The following PIEZO2 variants were observed in gnomAD, a reference collection of about 807,000 sequenced individuals.
PIEZO2 encodes piezo-type mechanosensitive ion channel component 2.
A neutral mutation model predicts 337.3 loss-of-function variants in PIEZO2; 172 were observed. The ratio of observed to expected loss-of-function variants is 0.51; its 90% CI spans 0.45 to 0.58. PIEZO2 has a LOEUF of 0.58. PIEZO2 is among the 20% of genes least tolerant of loss of function. The pLI, the probability that PIEZO2 is intolerant of heterozygous loss-of-function variation, is 0.00. For missense variants in PIEZO2, 3,028 were observed against 3,391.3 expected (o/e 0.89, Z 2.66); for synonymous variants, 1,251 against 1,228.5 (o/e 1.02, Z -0.38).
intron 39 of PIEZO2, 119 bp downstream of exon 39, chr18:10,714,645 G>GT (rs2035941590): frequency 8.9e-7 from 1 of 1,129,556 alleles, no homozygotes; most frequent in Admixed American, 2.2e-5. Flanking sequence ...CTGGAAGAGG[G>GT]TGGGGGTCCA....
chr18:10,790,964 A>AG (rs2039391384), intron 14 of PIEZO2, among the ~76,000 whole-genome samples: 1 of 152,208 alleles, frequency 6.6e-6, no homozygotes, highest in Non-Finnish European at 1.5e-5. Context: ...TCGGCCTCCC[A>AG]AAGTGCTGGG....
At chr18:10,678,197 T>C (rs991739583) in intron 52 of PIEZO2, among the ~76,000 whole-genome samples, 29 of 152,218 alleles carry the variant, frequency 1.9e-4, no homozygotes, top group African/African-American at 6.3e-4. Flanking sequence ...CCAATGATGT[T>C]AGTCTCCACG....
chr18:10,797,019 C>T (rs545420995), intron 12 of PIEZO2, among the ~76,000 whole-genome samples: 1 of 147,608 alleles, frequency 6.8e-6, no homozygotes, highest in African/African-American at 2.5e-5. Flanking sequence ...GCATACATAC[C>T]ATCATATCAT....
intron 5 of PIEZO2, 76 bp downstream of exon 5, chr18:10,871,177 T>C: frequency 2.2e-6 from 3 of 1,376,372 alleles, no homozygotes; most frequent in Non-Finnish European, 2.0e-6. Flanking sequence ...CAGCTGTTAT[T>C]ATCATAGTTC....
Position 11,148,632 on chromosome 18 carries a change from G to A in PIEZO2, c.-44C>T, listed in dbSNP as rs1215227667. ...CGGAGCAGAGGGGCGAGGCTCGAGGGTCCCTAGGGGTGGTGGGACGCAAGG... is the reference window on the plus strand; with the variant it reads ...CGGAGCAGAGGGGCGAGGCTCGAGGATCCCTAGGGGTGGTGGGACGCAAGG... On this transcript the variant is annotated 5_prime_UTR_variant, in exon 1 of 56. Coordinates refer to ENST00000674853, the MANE Select transcript of PIEZO2 (RefSeq NM_001378183.1). The surrounding 1 kb of genome is among the most constrained non-coding windows in gnomAD (Gnocchi z 5.2). 7.8e-6 allele frequency: 12 copies of A among 1,532,490 alleles called. No homozygotes were observed. Among genetic ancestry groups the A allele is most frequent in the South Asian group, 4.8e-5 (4 of 83,932 alleles). The allele number at this position is 1,532,490 out of a possible 1,614,324, so 94.9% of individuals were successfully genotyped here.
At chr18:10,806,985 AC>A (rs2040020601) in intron 8 of PIEZO2, 126 bp downstream of exon 8, 3 of 984,808 alleles carry the variant, frequency 3.0e-6, no homozygotes, top group Middle Eastern at 2.7e-4. Context: ...AAAACATCAT[AC>A]CCAGAACACT....
Position 10,762,482 on chromosome 18 carries a change from G to A in PIEZO2, c.3249+18C>T, listed in dbSNP as rs1334767266. On this transcript the variant is annotated intron_variant, in intron 23 of 55. Transcript: ENST00000674853. ...ATAACGGAGTGGAGGCCCAAACTAA[G>A]CACGACAAAGCCATTACCCTCAGGT... is the stretch of plus-strand genomic sequence containing the variant. The A allele has an allele frequency of 6.5e-7, 1 of 1,534,170 alleles. No individual in the cohort carries two copies. Among genetic ancestry groups the A allele is most frequent in the Non-Finnish European group, 8.7e-7 (1 of 1,146,166 alleles).
In PIEZO2 at chr18:10,671,473, G is replaced by A. The variant is rs2033770339; in HGVS notation, c.*54C>T. 1.3e-6 allele frequency: 2 copies of A among 1,538,416 alleles called. No individual in the cohort carries two copies. Among genetic ancestry groups the A allele is most frequent in the Non-Finnish European group, 1.8e-6 (2 of 1,135,180 alleles). The stretch of plus-strand genomic sequence containing the variant: ...TGCTTAGCTCTTATGAGAATATTGT[G>A]CTTTTAAAAAAAATTCAAATGTTAA... On this transcript the variant is annotated 3_prime_UTR_variant, in exon 56 of 56. Transcript: ENST00000674853.
chr18:10,871,616 G>C lies in PIEZO2; in HGVS notation c.330-201C>G, dbSNP rs546516509. Reference sequence around the variant, plus strand: ...ATTCAGGAAGATTCCAGTGTTCCCTGGAGTTTCAGAAATATTATAAAGAAC... The same window carrying C: ...ATTCAGGAAGATTCCAGTGTTCCCTCGAGTTTCAGAAATATTATAAAGAAC... On this transcript the variant is annotated intron_variant, in intron 4 of 55. Transcript: ENST00000674853. 2.0e-4 allele frequency among the ~76,000 whole-genome samples: 30 copies of C among 152,228 alleles called. No homozygotes were observed. The South Asian group carries it at 3.7e-3, about 19-fold the overall frequency.
In PIEZO2 at chr18:10,680,249, G is replaced by C. The variant is rs746012397; in HGVS notation, c.7902C>G (p.Leu2634=). The change falls in exon 52 of 56, where the codon CTC becomes CTG. Residue 2634 remains leucine, a synonymous_variant. Coordinates refer to ENST00000674853, the MANE Select transcript of PIEZO2 (RefSeq NM_001378183.1). ...CAGAGAAGCTACTATTGGGGTCCAG[G>C]AGTTCGTGTATCATTTTCTGCTTAC... ...PPSKQKMIHE[L]LDPNSSFSVV... 8 of 1,613,878 alleles carry C rather than the reference G, an allele frequency of 5.0e-6. No individual in the cohort carries two copies. In the African/African-American group the frequency reaches 9.3e-5, roughly 19 times the overall value.
At position 10,982,349 on chromosome 18, in the gene PIEZO2, G is replaced by T. The variant is rs116258254; in HGVS notation, c.161-2689C>A. Among the ~76,000 whole-genome samples, 1,789 of 151,614 alleles carry T rather than the reference G, an allele frequency of 0.012. 37 individuals carry two copies. The highest frequency in any genetic ancestry group is 0.041 in the African/African-American group (1,667 of 41,104). ...AATTAACCTAAAAAAGAATGCTTAA[G>T]ACCGTTCTTGACAAAATTGTAAAAA... On this transcript the variant is annotated intron_variant, in intron 2 of 55. Coordinates refer to ENST00000674853, the MANE Select transcript of PIEZO2 (RefSeq NM_001378183.1). This position sits in a 1 kb window ranked among gnomAD's most constrained non-coding sequence, Gnocchi z 4.1.
chr18:10,725,525 G>C (rs2036499327), intron 36 of PIEZO2: 1 of 1,405,504 alleles, frequency 7.1e-7, no homozygotes, highest in Admixed American at 2.0e-5. Flanking sequence ...GGGAGTCGTG[G>C]GAAGGAGGGG....
rs1397109626 is a variant in PIEZO2 at position 10,859,475 on chromosome 18, A to G, written c.493-2264T>C. On this transcript the variant is annotated intron_variant, in intron 5 of 55. Transcript: ENST00000674853. The surrounding 1 kb of genome is among the most constrained non-coding windows in gnomAD (Gnocchi z 4.9). ...ACAAGCTGCATATGCTCCAGCCATG[A>G]TGACTGCATCCCATCTGCTCAGGAC... is the stretch of plus-strand genomic sequence containing the variant. Among the ~76,000 whole-genome samples the G allele has an allele frequency of 2.0e-5, 3 of 152,202 alleles. No homozygotes were observed. The East Asian group carries it at 5.8e-4, about 29-fold the overall frequency.
Position 11,052,946 on chromosome 18 carries a change from T to C in PIEZO2, c.160+13181A>G, listed in dbSNP as rs551450956. ...TATTTATTAAGTGACTAGGTTTCCT[T>C]CTTTCTTTGCAAATTTGCAGGAGCG... On this transcript the variant is annotated intron_variant, in intron 2 of 55. Transcript: ENST00000674853. Among the ~76,000 whole-genome samples, 3 of 141,664 alleles carry C rather than the reference T, an allele frequency of 2.1e-5. No homozygotes were observed. The South Asian group carries it at 6.9e-4, about 33-fold the overall frequency. 92.9% of individuals were successfully genotyped at this position (141,664 alleles called of 152,430 possible). A position where few individuals can be genotyped will look rare whatever the true frequency, so the allele number is the denominator to read the frequency against.
chr18:10,729,124 C>T (rs1034492307), intron 36 of PIEZO2, among the ~76,000 whole-genome samples: 1 of 152,080 alleles, frequency 6.6e-6, no homozygotes, highest in East Asian at 1.9e-4. Flanking sequence ...TACCTCTTTA[C>T]TGTTTGACCT....
chr18:10,956,297 CA>C (rs1167587334), intron 3 of PIEZO2, among the ~76,000 whole-genome samples: 2 of 152,130 alleles, frequency 1.3e-5, no homozygotes, highest in Non-Finnish European at 2.9e-5. Flanking sequence ...ATAATAGTAT[CA>C]AAAAATACTT....
chr18:10,898,326 G>C (rs745882989), intron 4 of PIEZO2, among the ~76,000 whole-genome samples: 148 of 152,196 alleles, frequency 9.7e-4, no homozygotes, highest in Non-Finnish European at 1.7e-3. Flanking sequence ...GAGGCTGAGG[G>C]GGGAGAATGG....
In PIEZO2 at chr18:10,696,218, A is replaced by G; in HGVS notation, c.7046T>C (p.Met2349Thr). The change falls in exon 47 of 56, where the codon ATG (methionine) becomes ACG (threonine). Residue 2349 changes from methionine (M) to threonine (T), a missense_variant. Met to Thr is a moderately conservative substitution (Grantham distance 81). Transcript: ENST00000674853. ...EDQVPGPFLVMVLIQFGTMVV... is the reference protein window; with the variant it reads ...EDQVPGPFLVTVLIQFGTMVV... Reference sequence around the variant, plus strand: ...CATGGTTCCAAACTGAATGAGGACCATCACCAAAAACGGCCCCGGGACCTG... The same window carrying G: ...CATGGTTCCAAACTGAATGAGGACCGTCACCAAAAACGGCCCCGGGACCTG... 1 of 1,614,220 alleles carries G rather than the reference A, an allele frequency of 6.2e-7. No individual in the cohort carries two copies. The highest frequency in any genetic ancestry group is 8.5e-7 in the Non-Finnish European group (1 of 1,180,010).
In PIEZO2 at chr18:11,094,824, T is replaced by C. The variant is rs1166976029; in HGVS notation, c.65-28602A>G. On this transcript the variant is annotated intron_variant, in intron 1 of 55. Coordinates refer to ENST00000674853, the MANE Select transcript of PIEZO2 (RefSeq NM_001378183.1). This position sits in a 1 kb window ranked among gnomAD's most constrained non-coding sequence, Gnocchi z 4.4. ...TAAAAATGTCTCTCCTTTGTAAACATTAGTCTGCAGATTTAGAAGCACTTA... is the reference window on the plus strand; with the variant it reads ...TAAAAATGTCTCTCCTTTGTAAACACTAGTCTGCAGATTTAGAAGCACTTA... 1.3e-5 allele frequency among the ~76,000 whole-genome samples: 2 copies of C among 152,258 alleles called. No individual in the cohort carries two copies. Among genetic ancestry groups the C allele is most frequent in the East Asian group, 3.8e-4 (2 of 5,200 alleles).
Sources: allele counts gnomAD v4.1 joint callset (sites outside exome capture counted in the v4.1 genomes callset), GRCh38; gene constraint gnomAD v4.1.1; non-coding constraint Gnocchi (gnomAD v3.1); transcripts MANE v1.5; gene names NCBI Gene and HGNC (gene_info 2026-07-23, HGNC 2026-07-21).